Variants in RBFOX1 observed in about 807,000 individuals in gnomAD.
RBFOX1 encodes RNA binding protein fox-1 homolog 1.
RBFOX1 carries 8 observed loss-of-function variants against 57.7 expected under a neutral mutation model. The ratio of observed to expected loss-of-function variants is 0.14; its 90% confidence interval spans 0.08 to 0.25. The LOEUF is 0.25. RBFOX1 is among the 10% of genes least tolerant of loss of function. The pLI is 1.00. For synonymous variants in RBFOX1, 326 were observed against 222.4 expected, an observed-to-expected ratio of 1.47 and a Z score of -4.15; for missense variants, 611 against 548.5, an observed-to-expected ratio of 1.11 and a Z score of -1.14.
At chr16:7,389,909 A>T (rs901265495) in intron 4 of RBFOX1, among the ~76,000 whole-genome samples, 8 of 152,172 alleles carry the variant, frequency 5.3e-5, no homozygotes, top group Non-Finnish European at 1.0e-4. Flanking sequence ...GTCCATTCTC[A>T]TACTGTTATA....
intron 1 of RBFOX1, among the ~76,000 whole-genome samples, chr16:5,261,375 G>T (rs1219534753): frequency 3.6e-5 from 5 of 140,662 alleles, no homozygotes; most frequent in African/African-American, 7.4e-5. Context: ...TATGAAGACT[G>T]TTTTTTTTAA....
chr16:6,078,065 C>A (rs902452742), intron 1 of RBFOX1, among the ~76,000 whole-genome samples: 1 of 152,168 alleles, frequency 6.6e-6, no homozygotes, highest in East Asian at 1.9e-4. Flanking sequence ...GTGTCTTGAT[C>A]ATGCTCATCT....
chr16:6,447,200 G>A (rs997298562), intron 2 of RBFOX1, among the ~76,000 whole-genome samples: 2 of 152,102 alleles, frequency 1.3e-5, no homozygotes, highest in African/African-American at 4.8e-5. Flanking sequence ...GTGTTTGTGT[G>A]ACAGATTGTC....
chr16:6,935,627 C>G (rs371239159), intron 3 of RBFOX1, among the ~76,000 whole-genome samples: 9 of 152,332 alleles, frequency 5.9e-5, no homozygotes, highest in East Asian at 1.9e-4. Context: ...CAAGCACACG[C>G]TCCCCTACAT....
At chr16:6,275,725 C>T (rs1439090929) in intron 1 of RBFOX1, among the ~76,000 whole-genome samples, 3 of 152,024 alleles carry the variant, frequency 2.0e-5, no homozygotes, top group Admixed American at 1.3e-4. Flanking sequence ...TAACAGTTTA[C>T]TAAGGATACA....
intron 1 of RBFOX1, chr16:5,270,624 T>G: frequency 1.7e-6 from 1 of 574,708 alleles, no homozygotes; most frequent in Non-Finnish European, 3.3e-6. Context: ...AATCAGATAC[T>G]GAAGACCTCT....
chr16:6,571,148 T>C (rs2097339192), intron 2 of RBFOX1, among the ~76,000 whole-genome samples: 1 of 152,182 alleles, frequency 6.6e-6, no homozygotes, highest in Non-Finnish European at 1.5e-5. Flanking sequence ...ATTTCAGGCA[T>C]ATAGCCCGTA....
chr16:5,761,866 A>G (rs1016656847), intron 3 of RBFOX1, among the ~76,000 whole-genome samples: 8 of 152,160 alleles, frequency 5.3e-5, no homozygotes, highest in South Asian at 2.1e-4. Flanking sequence ...GGAGGGGCCA[A>G]TCATCCTAGG....
intron 1 of RBFOX1, among the ~76,000 whole-genome samples, chr16:6,315,562 TGGA>T (rs2081003148): frequency 1.3e-4 from 9 of 71,948 alleles, no homozygotes; most frequent in African/African-American, 3.2e-4. Context: ...GATGGATGGA[TGGA>T]TGGATGGATG....
intron 3 of RBFOX1, among the ~76,000 whole-genome samples, chr16:5,803,610 A>G (rs938516882): frequency 6.6e-6 from 1 of 152,192 alleles, no homozygotes; most frequent in African/African-American, 2.4e-5. Flanking sequence ...TTGGGCATTC[A>G]TTAAGAACTT....
chr16:6,892,120 G>T (rs74008409), intron 3 of RBFOX1, among the ~76,000 whole-genome samples: 28 of 152,158 alleles, frequency 1.8e-4, no homozygotes, highest in African/African-American at 6.7e-4. Context: ...TCTTACCCAA[G>T]TCCCCAAACC....
At chr16:6,290,299 A>G (rs1177480747) in intron 1 of RBFOX1, among the ~76,000 whole-genome samples, 1 of 150,854 alleles carries the variant, frequency 6.6e-6, no homozygotes, top group Non-Finnish European at 1.5e-5. Context: ...AAAAGAGGAA[A>G]CAAGATCATT....
At chr16:6,804,105 C>A (rs2086139106) in intron 3 of RBFOX1, among the ~76,000 whole-genome samples, 1 of 151,902 alleles carries the variant, frequency 6.6e-6, no homozygotes, top group African/African-American at 2.4e-5. Flanking sequence ...CTCCTGGGTT[C>A]AAGTGATTCT....
At chr16:5,583,340 A>C (rs548896868) in intron 2 of RBFOX1, among the ~76,000 whole-genome samples, 1 of 152,336 alleles carries the variant, frequency 6.6e-6, no homozygotes, top group East Asian at 1.9e-4. Flanking sequence ...CTAACTTAAT[A>C]GTATGTATCT....
At chr16:7,506,783 G>A (rs1475715920) in intron 4 of RBFOX1, among the ~76,000 whole-genome samples, 1 of 137,954 alleles carries the variant, frequency 7.2e-6, no homozygotes, top group Admixed American at 7.1e-5. Flanking sequence ...ATCTGCCAAA[G>A]GTACCATAAT....
intron 1 of RBFOX1, among the ~76,000 whole-genome samples, chr16:5,428,704 T>C (rs529991845): frequency 1.3e-5 from 2 of 152,064 alleles, no homozygotes; most frequent in Admixed American, 6.6e-5. Flanking sequence ...TGGGGGAAAG[T>C]GTAGACAGAT....
intron 4 of RBFOX1, among the ~76,000 whole-genome samples, chr16:5,969,073 C>A (rs2152296693): frequency 6.6e-6 from 1 of 152,094 alleles, no homozygotes; most frequent in South Asian, 2.1e-4. Context: ...ACTCTGTCAC[C>A]TCATTTTTAT....
At chr16:6,491,626 G>A (rs2095634770) in intron 2 of RBFOX1, among the ~76,000 whole-genome samples, 1 of 152,138 alleles carries the variant, frequency 6.6e-6, no homozygotes. Flanking sequence ...GCTAGACACT[G>A]TACTAATTCC....
At chr16:5,506,319 A>T (rs545544531) in intron 2 of RBFOX1, among the ~76,000 whole-genome samples, 1 of 152,342 alleles carries the variant, frequency 6.6e-6, no homozygotes, top group African/African-American at 2.4e-5. Context: ...CAGAGACGTA[A>T]GTCGCGGATA....
Sources: gnomAD v4.1 joint callset for allele counts (sites outside exome capture counted in the v4.1 genomes callset) on GRCh38, gnomAD v4.1.1 for gene constraint, MANE v1.5 for transcripts, NCBI Gene and HGNC (gene_info 2026-07-23, HGNC 2026-07-21) for gene names.